MYRFL: variants seen among roughly 807,000 people sequenced by gnomAD.
MYRFL encodes the protein myelin regulatory factor like, also known as myelin regulatory factor-like protein.
Under a neutral mutation model 109.4 loss-of-function variants are expected in MYRFL, and 88 were observed. The observed-to-expected ratio is 0.80, with a 90% CI of 0.68 to 0.96. The LOEUF (loss-of-function observed/expected upper bound fraction) is 0.96. MYRFL is among the 40% of genes least tolerant of loss of function. MYRFL has a pLI of 0.00. For missense variants in MYRFL, 957 were observed against 954.9 expected (o/e 1.00, Z -0.03); for synonymous variants, 324 against 320.9 (o/e 1.01, Z -0.10).
chr12:69,934,104 T>C (rs1955368463), intron 16 of MYRFL, among the ~76,000 whole-genome samples: 2 of 152,074 alleles, frequency 1.3e-5, no homozygotes, highest in African/African-American at 2.4e-5. Context: ...AGAATTGGAA[T>C]GGGGAGATGG....
chr12:69,906,698 T>G (rs574561519), intron 11 of MYRFL, among the ~76,000 whole-genome samples: 1 of 152,308 alleles, frequency 6.6e-6, no homozygotes, highest in Admixed American at 6.5e-5. Flanking sequence ...AAAGTCTCCC[T>G]CTGGGCCAGG....
intron 13 of MYRFL, among the ~76,000 whole-genome samples, chr12:69,921,788 T>G (rs1382017210): frequency 1.3e-5 from 2 of 152,188 alleles, no homozygotes; most frequent in African/African-American, 4.8e-5. Flanking sequence ...GTTGGAGAAA[T>G]TAAACCTGGC....
intron 19 of MYRFL, among the ~76,000 whole-genome samples, chr12:69,951,282 C>T (rs957568794): frequency 6.6e-6 from 1 of 152,130 alleles, no homozygotes; most frequent in African/African-American, 2.4e-5. Flanking sequence ...GCTGGAAGTC[C>T]AAGACCAAGG....
At chr12:69,942,004 A>T (rs1240777990) in intron 19 of MYRFL, among the ~76,000 whole-genome samples, 90 of 150,440 alleles carry the variant, frequency 6.0e-4, no homozygotes, top group African/African-American at 1.9e-3. Context: ...GAATCTCTGA[A>T]TAGACCAATA....
intron 22 of MYRFL, among the ~76,000 whole-genome samples, chr12:69,957,410 C>T (rs1956120368): frequency 6.6e-6 from 1 of 151,924 alleles, no homozygotes; most frequent in Non-Finnish European, 1.5e-5. Context: ...TGATGTGAGA[C>T]AACATAAGTC....
chr12:69,931,079 A>C (rs968727228), intron 15 of MYRFL, among the ~76,000 whole-genome samples: 1 of 152,160 alleles, frequency 6.6e-6, no homozygotes, highest in Admixed American at 6.5e-5. Context: ...GAAAATGAGG[A>C]TCAATAACAT....
At chr12:69,888,437 G>T (rs956793933) in intron 6 of MYRFL, among the ~76,000 whole-genome samples, 1 of 152,100 alleles carries the variant, frequency 6.6e-6, no homozygotes, top group Non-Finnish European at 1.5e-5. Context: ...TTCAGTTAGG[G>T]CATTAAAATT....
intron 2 of MYRFL, among the ~76,000 whole-genome samples, chr12:69,860,893 C>A (rs1250314698): frequency 9.1e-6 from 1 of 109,648 alleles, no homozygotes; most frequent in Non-Finnish European, 1.8e-5. Flanking sequence ...CTCCCCCCTC[C>A]CCCCTCCCCC....
At chr12:69,828,859 A>T (rs1445694100) in intron 1 of MYRFL, among the ~76,000 whole-genome samples, 1 of 152,140 alleles carries the variant, frequency 6.6e-6, no homozygotes, top group Non-Finnish European at 1.5e-5. Flanking sequence ...TCTTAAAAAT[A>T]GTTTATTAAA....
At chr12:69,872,716 G>A (rs755328100) in intron 2 of MYRFL, among the ~76,000 whole-genome samples, 25 of 152,122 alleles carry the variant, frequency 1.6e-4, no homozygotes, top group Non-Finnish European at 3.1e-4. Flanking sequence ...GGCCAGGCTG[G>A]TCTTAGGCTC....
chr12:69,919,532 C>T (rs573403503), intron 13 of MYRFL, among the ~76,000 whole-genome samples: 2 of 152,280 alleles, frequency 1.3e-5, no homozygotes, highest in African/African-American at 4.8e-5. Context: ...CTCCAGAGAC[C>T]TGTTGAAAAG....
At chr12:69,830,391 C>CA (rs1882557237) in intron 1 of MYRFL, among the ~76,000 whole-genome samples, 1 of 150,014 alleles carries the variant, frequency 6.7e-6, no homozygotes, top group Non-Finnish European at 1.5e-5. Flanking sequence ...CTTGTTTATA[C>CA]TATTTTTGGA....
At chr12:69,875,074 T>G (rs1485537719) in intron 2 of MYRFL, among the ~76,000 whole-genome samples, 1 of 151,364 alleles carries the variant, frequency 6.6e-6, no homozygotes, top group Non-Finnish European at 1.5e-5. Context: ...TTCATAAAGA[T>G]ATATACATTT....
chr12:69,831,257 C>T (rs1270846637), intron 1 of MYRFL, among the ~76,000 whole-genome samples: 1 of 152,156 alleles, frequency 6.6e-6, no homozygotes, highest in Non-Finnish European at 1.5e-5. Context: ...TAAACTTTTA[C>T]TGTAACATAC....
At chr12:69,885,102 TC>T (rs1339378418) in intron 5 of MYRFL, among the ~76,000 whole-genome samples, 1 of 152,280 alleles carries the variant, frequency 6.6e-6, no homozygotes, top group East Asian at 1.9e-4. Flanking sequence ...TAGAAGGGTT[TC>T]TTTCTTTTTT....
intron 22 of MYRFL, among the ~76,000 whole-genome samples, chr12:69,956,655 G>A (rs1009400854): frequency 1.3e-5 from 2 of 150,346 alleles, no homozygotes; most frequent in African/African-American, 4.9e-5. Flanking sequence ...ATCCTTCACC[G>A]CACGCCTTCT....
At chr12:69,923,602 G>A (rs1455012006) in intron 13 of MYRFL, among the ~76,000 whole-genome samples, 1 of 151,894 alleles carries the variant, frequency 6.6e-6, no homozygotes, top group African/African-American at 2.4e-5. Flanking sequence ...ATATATGTGT[G>A]CTATCTATGT....
intron 1 of MYRFL, among the ~76,000 whole-genome samples, chr12:69,826,499 C>G (rs775279511): frequency 2.2e-4 from 34 of 152,182 alleles, no homozygotes; most frequent in Middle Eastern, 3.4e-3. Context: ...TGTATACATG[C>G]AAAAATCTAC....
chr12:69,853,502 CT>C (rs1884039406), intron 1 of MYRFL, among the ~76,000 whole-genome samples: 1 of 150,384 alleles, frequency 6.6e-6, no homozygotes, highest in African/African-American at 2.5e-5. Context: ...AGAGGCGCGC[CT>C]CACATCCCAG....
Sources: gnomAD v4.1 joint callset for allele counts (sites outside exome capture counted in the v4.1 genomes callset) on GRCh38, gnomAD v4.1.1 for gene constraint, MANE v1.5 for transcripts, NCBI Gene and HGNC (gene_info 2026-07-23, HGNC 2026-07-21) for gene names.